The following CSRP1 variants were observed in gnomAD, a reference collection of about 807,000 sequenced individuals.
CSRP1 encodes the protein cysteine and glycine rich protein 1, also known as cysteine and glycine-rich protein 1.
A neutral mutation model predicts 25.4 loss-of-function variants in CSRP1; 16 were observed. That is an observed-to-expected ratio of 0.63 (90% CI 0.43 to 0.96). CSRP1 has a LOEUF of 0.96. Ranked by LOEUF, CSRP1 falls within the 40% of genes least tolerant of loss-of-function variation. The probability of loss-of-function intolerance (pLI) is 0.00; values close to 1 mark genes in which losing one functional copy is unlikely to be tolerated. For missense variants in CSRP1, 212 were observed against 243.6 expected (o/e 0.87, Z 0.86); for synonymous variants, 97 against 95.3 (o/e 1.02, Z -0.10).
chr1:201,500,308 C>G (rs1664627401), intron 1 of CSRP1, among the ~76,000 whole-genome samples: 1 of 152,240 alleles, frequency 6.6e-6, no homozygotes, highest in South Asian at 2.1e-4. Flanking sequence ...GTTACAGACA[C>G]AAAAGCCCTT....
At chr1:201,502,262 T>G (rs1038903046) in intron 1 of CSRP1, among the ~76,000 whole-genome samples, 2 of 152,182 alleles carry the variant, frequency 1.3e-5, no homozygotes, top group Non-Finnish European at 2.9e-5. Context: ...CTTGCTCCAG[T>G]AGAAACCTGT....
chr1:201,490,162 GATCTT>G lies in CSRP1; in HGVS notation c.281+9_281+13del, dbSNP rs1406854402. On this transcript the variant is annotated intron_variant, in intron 3 of 5. Coordinates refer to ENST00000340006, the MANE Select transcript of CSRP1 (RefSeq NM_004078.3). ...GAGCTCAAGAAAAAGGTTGGGAGGG[GATCTT>G]TTACTCACTCCTCGTGCTTGATACC... 6.2e-7 allele frequency: 1 copy of G among 1,608,330 alleles called. No individual in the cohort carries two copies. Among genetic ancestry groups the G allele is most frequent in the African/African-American group, 1.3e-5 (1 of 74,780 alleles).
intron 1 of CSRP1, among the ~76,000 whole-genome samples, chr1:201,500,346 A>G (rs931854413): frequency 6.6e-6 from 1 of 152,242 alleles, no homozygotes; most frequent in African/African-American, 2.4e-5. Context: ...CCACAGCTCC[A>G]TACAGGCCTC....
In CSRP1 at chr1:201,485,296, C is replaced by G. The variant is rs763448371; in HGVS notation, c.492G>C (p.Glu164Asp). ...GAAAACACCCACCTTTGCAGTAAAT[C>G]TCGCCATCCTTGTCTGCCAGGGTGG... ...ESTTLADKDG[E>D]IYCKGCYAKN... The change falls in exon 5 of 6, where the codon GAG becomes GAC. Residue 164 changes from glutamate to aspartate, a missense_variant. By Grantham distance (45) the Glu-to-Asp change is conservative. Transcript: ENST00000340006. 2 of 1,614,160 alleles carry G rather than the reference C, an allele frequency of 1.2e-6. No homozygotes were observed. Among genetic ancestry groups the G allele is most frequent in the South Asian group, 2.2e-5 (2 of 91,080 alleles).
chr1:201,489,845 G>C, intron 3 of CSRP1: 1 of 205,672 alleles, frequency 4.9e-6, no homozygotes, highest in Non-Finnish European at 9.9e-6. Flanking sequence ...ACTCCAGCCT[G>C]GGTGACAGAG....
intron 3 of CSRP1, 65 bp downstream of exon 3, chr1:201,490,109 CAT>C: frequency 2.7e-6 from 4 of 1,504,404 alleles, no homozygotes; most frequent in Non-Finnish European, 3.6e-6. Context: ...TGTAAATACA[CAT>C]GAGGCCTAAT....
Position 201,494,949 on chromosome 1 carries a change from T to C in CSRP1, c.112+1243A>G, listed in dbSNP as rs142392937. On this transcript the variant is annotated intron_variant, in intron 2 of 5. Coordinates refer to ENST00000340006, the MANE Select transcript of CSRP1 (RefSeq NM_004078.3). The stretch of plus-strand genomic sequence containing the variant: ...TCTTTCATTTTAATTCTCACAACAA[T>C]CCCATGAGGTAACTATTATTACCTC... 3.2e-3 allele frequency among the ~76,000 whole-genome samples: 484 copies of C among 152,316 alleles called. 1 individual carries two copies. Among genetic ancestry groups the C allele is most frequent in the Non-Finnish European group, 5.6e-3 (383 of 68,022 alleles).
chr1:201,495,523 T>A (rs1156699971), intron 2 of CSRP1: 1 of 152,288 alleles, frequency 6.6e-6, no homozygotes, highest in Non-Finnish European at 1.5e-5. Flanking sequence ...CTGGCCCAGG[T>A]ACCAGTGGGT....
At chr1:201,499,067 C>T (rs1458270050) in intron 1 of CSRP1, among the ~76,000 whole-genome samples, 1 of 152,234 alleles carries the variant, frequency 6.6e-6, no homozygotes, top group African/African-American at 2.4e-5. Context: ...CCTGAGCCCC[C>T]AGATCCAGGG....
chr1:201,502,589 A>T (rs938619788), intron 1 of CSRP1, among the ~76,000 whole-genome samples: 3 of 152,006 alleles, frequency 2.0e-5, no homozygotes, highest in African/African-American at 7.3e-5. Context: ...TTCCTTCAGA[A>T]CCGTGCACAT....
chr1:201,495,311 G>A (rs868551871), intron 2 of CSRP1, among the ~76,000 whole-genome samples: 20 of 152,306 alleles, frequency 1.3e-4, no homozygotes, highest in Non-Finnish European at 2.2e-4. Flanking sequence ...GAGGTGAGAG[G>A]ATCATTTGAG....
chr1:201,491,492 A>T (rs1461728560), intron 2 of CSRP1: 1 of 152,160 alleles, frequency 6.6e-6, no homozygotes, highest in Admixed American at 6.5e-5. Flanking sequence ...ATCAAATGAG[A>T]TCTGACATGT....
chr1:201,483,921 G>C lies in CSRP1; in HGVS notation c.*792C>G, dbSNP rs1163966695. On this transcript the variant is annotated 3_prime_UTR_variant, in exon 6 of 6. Transcript: ENST00000340006. ...CTGCTGGCCGCAGCCTCAGGAGCCA[G>C]GGTTAAGGCCAGAGATAAATGAAGA... 3 of 662,290 alleles carry C rather than the reference G, an allele frequency of 4.5e-6. No homozygotes were observed. The Admixed American group carries it at 6.1e-5, about 13-fold the overall frequency. The allele number at this position is 662,290 out of a possible 1,614,324, so 41.0% of individuals were successfully genotyped here.
rs2004565 is a variant in CSRP1 at position 201,489,393 on chromosome 1, C to A, written c.282-409G>T. 3.8e-3 allele frequency: 665 copies of A among 175,318 alleles called. 6 individuals carry two copies. The highest frequency in any genetic ancestry group is 0.015 in the African/African-American group (627 of 42,184). The allele number at this position is 175,318 out of a possible 1,614,324, so 10.9% of individuals were successfully genotyped here. On this transcript the variant is annotated intron_variant, in intron 3 of 5. Coordinates refer to ENST00000340006, the MANE Select transcript of CSRP1 (RefSeq NM_004078.3). ...ATTCATCCATCATTTCCGTCCACCC[C>A]CCAGGCCGAGGAGCAAGCCAGGCTG...
chr1:201,504,528 C>T (rs1283176366), intron 1 of CSRP1, among the ~76,000 whole-genome samples: 1 of 152,228 alleles, frequency 6.6e-6, no homozygotes, highest in Non-Finnish European at 1.5e-5. Flanking sequence ...ATATTTAACG[C>T]ATGTGTCTTC....
Position 201,484,733 on chromosome 1 carries a change from C to G in CSRP1, c.562G>C (p.Ala188Pro), listed in dbSNP as rs201532783. ...TGGCCTCACTCAGAGTGGACCAAGG[C>G]CCCAGCTCCTTGCCCAAAACCAAAG... Reference protein sequence around the residue: ...KGFGFGQGAGALVHSE With the variant: ...KGFGFGQGAGPLVHSE Residue 188 changes from alanine to proline, a missense_variant, in exon 6 of 6, where the codon GCC (alanine) becomes CCC (proline). Ala to Pro is a conservative substitution (Grantham distance 27, BLOSUM62 -1). Transcript: ENST00000340006. 6.2e-7 allele frequency: 1 copy of G among 1,611,526 alleles called. No individual in the cohort carries two copies. The highest frequency in any genetic ancestry group is 1.7e-5 in the Admixed American group (1 of 59,830).
rs898996946 is a variant in CSRP1 at position 201,497,345 on chromosome 1, C to G, written c.-1-1041G>C. ...CTGCACTCCAGTCTGGGCAACAGAA[C>G]AAGACTCTGTCTCAAAAAAAAAAAA... On this transcript the variant is annotated intron_variant, in intron 1 of 5. Coordinates refer to ENST00000340006, the MANE Select transcript of CSRP1 (RefSeq NM_004078.3). Among the ~76,000 whole-genome samples the G allele has an allele frequency of 6.9e-5, 5 of 72,400 alleles. No homozygotes were observed. The Admixed American group carries it at 1.3e-3, about 18-fold the overall frequency. The allele number at this position is 72,400 out of a possible 152,430, so 47.5% of individuals were successfully genotyped here.
At chr1:201,500,902 G>A (rs578026967) in intron 1 of CSRP1, among the ~76,000 whole-genome samples, 85 of 152,338 alleles carry the variant, frequency 5.6e-4, no homozygotes, top group African/African-American at 1.9e-3. Flanking sequence ...CCAGCTCTCC[G>A]GCACAGAGGC....
intron 4 of CSRP1, chr1:201,486,514 A>C (rs1260414209): frequency 1.0e-6 from 1 of 985,514 alleles, no homozygotes; most frequent in Non-Finnish European, 1.2e-6. Context: ...CAGAGAGCTG[A>C]AATGGGGGGA....
Sources: allele counts gnomAD v4.1 joint callset (sites outside exome capture counted in the v4.1 genomes callset), GRCh38; gene constraint gnomAD v4.1.1; transcripts MANE v1.5; gene names NCBI Gene and HGNC (gene_info 2026-07-23, HGNC 2026-07-21).